NRG1: variants seen among roughly 807,000 people sequenced by gnomAD.
NRG1 encodes the protein pro-neuregulin-1, membrane-bound isoform.
NRG1 carries 18 observed loss-of-function variants against 63.8 expected under a neutral mutation model. The observed-to-expected ratio is 0.28, with a 90% confidence interval of 0.19 to 0.42. The LOEUF is 0.42. Among genes scored for constraint, NRG1 ranks in the 10% least tolerant of loss-of-function variants. NRG1 has a pLI of 1.00. For synonymous variants in NRG1, 302 were observed against 301.3 expected, an observed-to-expected ratio of 1.00 and a Z score of -0.02; for missense variants, 762 against 814.7, an observed-to-expected ratio of 0.94 and a Z score of 0.79.
intron 1 of NRG1, among the ~76,000 whole-genome samples, chr8:32,393,887 A>G (rs1467102851): frequency 6.6e-6 from 1 of 152,118 alleles, no homozygotes; most frequent in African/African-American, 2.4e-5. Context: ...CCTAAAATAA[A>G]AGTTTAAATA....
intron 1 of NRG1, among the ~76,000 whole-genome samples, chr8:32,483,574 T>C (rs977170212): frequency 6.6e-6 from 1 of 152,222 alleles, no homozygotes; most frequent in African/African-American, 2.4e-5. Context: ...TGTCACTTGA[T>C]AAGCCTTTGC....
At position 31,856,891 on chromosome 8, in the gene NRG1, C is replaced by T. The variant is rs1300719505; in HGVS notation, c.37+217460C>T. On this transcript the variant is annotated intron_variant, in intron 1 of 10. Coordinates refer to the NRG1 transcript ENST00000519301. ...CCGGCCGTGTGAGGTGTCAGTCTGC[C>T]CCTGCTGGGGGATGCCTCCCAGTTA... is the stretch of plus-strand genomic sequence containing the variant. 3.3e-5 allele frequency among the ~76,000 whole-genome samples: 5 copies of T among 152,158 alleles called. No homozygotes were observed. In the East Asian group the frequency reaches 9.7e-4, roughly 29 times the overall value.
At chr8:32,062,666 C>T (rs1824081883) in intron 1 of NRG1, among the ~76,000 whole-genome samples, 2 of 152,060 alleles carry the variant, frequency 1.3e-5, no homozygotes, top group African/African-American at 2.4e-5. Flanking sequence ...TTTCTTTTCT[C>T]ACCTCTTGAC....
chr8:32,165,330 G>A (rs956890682), intron 1 of NRG1, among the ~76,000 whole-genome samples: 2 of 151,684 alleles, frequency 1.3e-5, no homozygotes, highest in African/African-American at 4.9e-5. Context: ...TTTTTGTAGA[G>A]ATAGAGTCTC....
At chr8:32,728,267 T>G (rs1822759458) in intron 6 of NRG1, 189 bp downstream of exon 6, 1 of 985,252 alleles carries the variant, frequency 1.0e-6, no homozygotes, top group Non-Finnish European at 1.2e-6. Context: ...TGCAGAATTG[T>G]TTTTTGCTCT....
chr8:32,027,433 C>T (rs1416690760), intron 1 of NRG1, among the ~76,000 whole-genome samples: 2 of 120,174 alleles, frequency 1.7e-5, no homozygotes, highest in Non-Finnish European at 3.4e-5. Context: ...TCCTTCCTTC[C>T]TTCCTTCCTT....
chr8:32,356,479 C>CCA (rs1806432749), intron 1 of NRG1, among the ~76,000 whole-genome samples: 1 of 123,106 alleles, frequency 8.1e-6, no homozygotes, highest in African/African-American at 3.1e-5. Flanking sequence ...TTGGGACCCC[C>CCA]CCCCCACCCG....
chr8:32,456,554 A>G (rs1056949390), intron 1 of NRG1, among the ~76,000 whole-genome samples: 2 of 152,220 alleles, frequency 1.3e-5, no homozygotes, highest in Non-Finnish European at 1.5e-5. Context: ...CCACTTAATT[A>G]TTAGTAAATA....
chr8:32,679,676 A>C (rs559702577), intron 5 of NRG1, among the ~76,000 whole-genome samples: 1 of 152,354 alleles, frequency 6.6e-6, no homozygotes, highest in African/African-American at 2.4e-5. Flanking sequence ...AAAGAAGTCA[A>C]CTGGTCATGT....
At chr8:32,625,875 C>A (rs1022896985) in intron 5 of NRG1, among the ~76,000 whole-genome samples, 1 of 149,360 alleles carries the variant, frequency 6.7e-6, no homozygotes, top group Non-Finnish European at 1.5e-5. Flanking sequence ...CTCACTGCAA[C>A]CTCGGCCTCC....
intron 1 of NRG1, among the ~76,000 whole-genome samples, chr8:31,811,491 T>C (rs1039805415): frequency 3.3e-5 from 5 of 152,228 alleles, no homozygotes; most frequent in Non-Finnish European, 7.3e-5. Flanking sequence ...CTGGTGTCAA[T>C]AAGATTTGGC....
intron 1 of NRG1, among the ~76,000 whole-genome samples, chr8:32,586,178 AT>A (rs1193092675): frequency 3.0e-5 from 4 of 134,868 alleles, no homozygotes; most frequent in Admixed American, 7.4e-5. Flanking sequence ...ATATATATAT[AT>A]ATATAATGTG....
At chr8:32,480,479 A>G in intron 1 of NRG1, among the ~76,000 whole-genome samples, 1 of 80,236 alleles carries the variant, frequency 1.2e-5, no homozygotes, top group East Asian at 8.5e-4. Flanking sequence ...ACAGAAAAAC[A>G]AAAACAAAAA....
At chr8:31,947,910 G>C (rs142186298) in intron 1 of NRG1, among the ~76,000 whole-genome samples, 1 of 125,100 alleles carries the variant, frequency 8.0e-6, no homozygotes, top group Non-Finnish European at 1.6e-5. Flanking sequence ...ATGCCACTGC[G>C]CTCCAGCTTG....
intron 1 of NRG1, among the ~76,000 whole-genome samples, chr8:32,204,245 T>G: frequency 6.6e-6 from 1 of 152,206 alleles, no homozygotes; most frequent in East Asian, 1.9e-4. Flanking sequence ...CTTCAGCTCT[T>G]ACTTGGTATA....
chr8:31,702,451 AT>A (rs10685166), intron 1 of NRG1, among the ~76,000 whole-genome samples: 7,427 of 146,482 alleles, frequency 0.051, 251 homozygotes, highest in Admixed American at 0.12. Flanking sequence ...TTCCCATAAC[AT>A]TTTTTTTTTT....
chr8:31,809,743 T>G (rs771865557), intron 1 of NRG1, among the ~76,000 whole-genome samples: 11,361 of 60,720 alleles, frequency 0.19, 712 homozygotes, highest in Non-Finnish European at 0.23. Flanking sequence ...TATTAATTGT[T>G]TTTTTTTTTT....
At position 32,073,122 on chromosome 8, in the gene NRG1, A is replaced by G. The variant is rs541571083; in HGVS notation, c.37+433691A>G. Among the ~76,000 whole-genome samples the G allele has an allele frequency of 8.3e-4, 126 of 152,290 alleles. 1 individual carries two copies. Among genetic ancestry groups the G allele is most frequent in the Non-Finnish European group, 3.5e-4 (24 of 68,006 alleles). On this transcript the variant is annotated intron_variant, in intron 1 of 10. Transcript: ENST00000519301. ...CTATCTCTGAAGATATTCCATTGAG[A>G]GATACATGCATGCATTCAACATCTC...
chr8:32,757,199 C>T (rs1253807644), intron 9 of NRG1, among the ~76,000 whole-genome samples: 1 of 152,162 alleles, frequency 6.6e-6, no homozygotes, highest in Non-Finnish European at 1.5e-5. Flanking sequence ...TTAAATACAA[C>T]TAGATCATAG....
Sources: gnomAD v4.1 joint callset for allele counts (sites outside exome capture counted in the v4.1 genomes callset) on GRCh38, gnomAD v4.1.1 for gene constraint, MANE v1.5 for transcripts, NCBI Gene and HGNC (gene_info 2026-07-23, HGNC 2026-07-21) for gene names.